CNTNAP2: variants seen among roughly 807,000 people sequenced by gnomAD.
CNTNAP2 encodes contactin-associated protein-like 2.
In CNTNAP2, 98 loss-of-function variants were observed where a neutral mutation model predicts 155.2. The ratio of observed to expected loss-of-function variants is 0.63; its 90% CI spans 0.54 to 0.75. The LOEUF (loss-of-function observed/expected upper bound fraction) is 0.75. CNTNAP2 is among the 30% of genes least tolerant of loss of function. The pLI is 0.00. For synonymous variants in CNTNAP2, 651 were observed against 631.2 expected (o/e 1.03, Z -0.47); for missense variants, 1,727 against 1,688.1 (o/e 1.02, Z -0.40).
chr7:147,877,665 C>G (rs1799445525), intron 13 of CNTNAP2, among the ~76,000 whole-genome samples: 1 of 152,062 alleles, frequency 6.6e-6, no homozygotes, highest in African/African-American at 2.4e-5. Context: ...AAATGAACAC[C>G]TGACAAAGGC....
chr7:147,713,807 G>A (rs1167375380), intron 13 of CNTNAP2, among the ~76,000 whole-genome samples: 2 of 152,104 alleles, frequency 1.3e-5, no homozygotes, highest in East Asian at 1.9e-4. Context: ...TCTAATAGGT[G>A]TATAGTGGTA....
intron 12 of CNTNAP2, among the ~76,000 whole-genome samples, chr7:147,584,915 C>T (rs2116832818): frequency 6.6e-6 from 1 of 152,200 alleles, no homozygotes; most frequent in East Asian, 1.9e-4. Context: ...CCCTTGATGG[C>T]CTGCGGAGAT....
chr7:146,250,170 T>C (rs183891663), intron 1 of CNTNAP2, among the ~76,000 whole-genome samples: 2 of 152,308 alleles, frequency 1.3e-5, no homozygotes, highest in Non-Finnish European at 2.9e-5. Flanking sequence ...AGATAATAAA[T>C]TTCAGCAGCT....
intron 13 of CNTNAP2, among the ~76,000 whole-genome samples, chr7:147,749,538 T>C (rs954682433): frequency 6.6e-6 from 1 of 152,198 alleles, no homozygotes; most frequent in Admixed American, 6.5e-5. Context: ...ATAATATTAC[T>C]ATTTTTACCA....
At chr7:146,876,755 C>G (rs1448834691) in intron 3 of CNTNAP2, among the ~76,000 whole-genome samples, 1 of 152,028 alleles carries the variant, frequency 6.6e-6, no homozygotes, top group Admixed American at 6.6e-5. Flanking sequence ...CAACAATGAT[C>G]CAATACACAT....
intron 15 of CNTNAP2, among the ~76,000 whole-genome samples, chr7:148,004,662 C>T (rs764731874): frequency 9.2e-5 from 14 of 152,126 alleles, no homozygotes; most frequent in Non-Finnish European, 1.9e-4. Flanking sequence ...ACATTATAAA[C>T]AAAGAAAGCT....
intron 3 of CNTNAP2, among the ~76,000 whole-genome samples, chr7:146,946,934 T>A (rs926718622): frequency 1.8e-4 from 27 of 152,254 alleles, no homozygotes; most frequent in African/African-American, 6.5e-4. Context: ...CAAAAAAGCA[T>A]CTTTATAGAT....
chr7:146,852,302 A>G (rs1405745725), intron 3 of CNTNAP2, among the ~76,000 whole-genome samples: 1 of 152,150 alleles, frequency 6.6e-6, no homozygotes, highest in Non-Finnish European at 1.5e-5. Context: ...ATCTTCTAGG[A>G]AGAGTTGTGC....
intron 13 of CNTNAP2, among the ~76,000 whole-genome samples, chr7:147,777,904 A>G (rs2116549967): frequency 6.6e-6 from 1 of 152,312 alleles, no homozygotes; most frequent in Non-Finnish European, 1.5e-5. Flanking sequence ...AGCCTGATGT[A>G]TTTTTGAAAT....
At chr7:148,330,562 GT>G in intron 21 of CNTNAP2, among the ~76,000 whole-genome samples, 1 of 126,852 alleles carries the variant, frequency 7.9e-6, no homozygotes. Context: ...GATGGATAGA[GT>G]GGATGGATGG....
chr7:146,178,670 G>A (rs1798507380), intron 1 of CNTNAP2, among the ~76,000 whole-genome samples: 1 of 152,080 alleles, frequency 6.6e-6, no homozygotes. Flanking sequence ...TCAGGTGTCA[G>A]ACGTTTAGAT....
intron 13 of CNTNAP2, 133 bp from the exon 14 acceptor site, chr7:147,903,432 A>G (rs929187229): frequency 8.2e-6 from 8 of 973,702 alleles, no homozygotes; most frequent in Non-Finnish European, 1.1e-5. Flanking sequence ...GTCTGTTTGA[A>G]ATAAATTGAC....
chr7:147,337,695 G>C (rs1044255144), intron 9 of CNTNAP2, among the ~76,000 whole-genome samples: 1 of 152,100 alleles, frequency 6.6e-6, no homozygotes, highest in Non-Finnish European at 1.5e-5. Context: ...TCTGTAAGTT[G>C]TCATCACAAA....
At chr7:146,470,442 C>G (rs115650616) in intron 1 of CNTNAP2, among the ~76,000 whole-genome samples, 2 of 152,182 alleles carry the variant, frequency 1.3e-5, no homozygotes, top group Admixed American at 1.3e-4. Flanking sequence ...CTACCTGATA[C>G]GTCCCTTTCT....
chr7:147,450,155 A>G (rs951426854), intron 10 of CNTNAP2, among the ~76,000 whole-genome samples: 2 of 152,238 alleles, frequency 1.3e-5, no homozygotes, highest in Non-Finnish European at 2.9e-5. Context: ...ATCACTCTAT[A>G]AAAGCAAAGA....
At chr7:146,277,999 G>A (rs932734207) in intron 1 of CNTNAP2, among the ~76,000 whole-genome samples, 2 of 152,146 alleles carry the variant, frequency 1.3e-5, no homozygotes, top group African/African-American at 4.8e-5. Flanking sequence ...ACTATGTAAC[G>A]GGATCGAGCT....
intron 21 of CNTNAP2, among the ~76,000 whole-genome samples, chr7:148,328,844 C>T (rs1004142606): frequency 6.6e-5 from 10 of 151,804 alleles, no homozygotes; most frequent in South Asian, 2.1e-4. Context: ...GGCATGGTGG[C>T]GCACACCTGT....
intron 20 of CNTNAP2, among the ~76,000 whole-genome samples, chr7:148,257,001 T>C (rs1467285439): frequency 6.6e-6 from 1 of 152,134 alleles, no homozygotes; most frequent in African/African-American, 2.4e-5. Flanking sequence ...ACAAATTGAT[T>C]ATTGTATTTG....
intron 13 of CNTNAP2, among the ~76,000 whole-genome samples, chr7:147,763,776 AGAGCAGCAGTGTGGG>A (rs1797343802): frequency 6.6e-6 from 1 of 152,300 alleles, no homozygotes; most frequent in South Asian, 2.1e-4. Flanking sequence ...TACCCAACAC[AGAGCAGCAGTGTGGG>A]GAGCTAAGTC....
Sources: allele counts gnomAD v4.1 joint callset (sites outside exome capture counted in the v4.1 genomes callset), GRCh38; gene constraint gnomAD v4.1.1; transcripts MANE v1.5; gene names NCBI Gene and HGNC (gene_info 2026-07-23, HGNC 2026-07-21).